PIMREG: variants seen among roughly 807,000 people sequenced by gnomAD.
PIMREG encodes protein PIMREG.
A neutral mutation model predicts 24.3 loss-of-function variants in PIMREG; 19 were observed. The ratio of observed to expected loss-of-function variants is 0.78; its 90% confidence interval spans 0.54 to 1.15. The LOEUF is 1.15. PIMREG is among the 50% of genes most tolerant of loss of function. The probability of loss-of-function intolerance (pLI) is 0.00; values close to 1 mark genes in which losing one functional copy is unlikely to be tolerated. For missense variants in PIMREG, 283 were observed against 306.8 expected, an observed-to-expected ratio of 0.92 and a Z score of 0.58; for synonymous variants, 112 against 124.1, an observed-to-expected ratio of 0.90 and a Z score of 0.65.
chr17:6,450,148 C>A, intron 5 of PIMREG, 76 bp downstream of exon 5: 1 of 1,492,132 alleles, frequency 6.7e-7, no homozygotes, highest in Non-Finnish European at 9.3e-7. Flanking sequence ...AAAGAAAAAG[C>A]CCACAGAGCT....
In PIMREG at chr17:6,447,453, C is replaced by T. The variant is rs9912374; in HGVS notation, c.295-10C>T. On this transcript the variant is annotated splice_polypyrimidine_tract_variant and intron_variant, in intron 2 of 5. Transcript: ENST00000572447. ...TTGTCTGTGCTAACCTTTCCATTTG[C>T]CTGTTCCAGAGAATCCAGGAGTCCT... 57,596 of 1,611,170 alleles carry T rather than the reference C, an allele frequency of 0.036. 2,672 individuals carry two copies. Among genetic ancestry groups the T allele is most frequent in the African/African-American group, 0.23 (17,107 of 74,866 alleles).
In PIMREG at chr17:6,447,632, C is replaced by T; in HGVS notation, c.464C>T (p.Pro155Leu). Residue 155 changes from proline (P) to leucine (L), a missense_variant, in exon 3 of 6, where the codon CCC becomes CTC. Pro to Leu is a moderately conservative substitution (Grantham distance 98). Coordinates refer to ENST00000572447, the MANE Select transcript of PIMREG (RefSeq NM_019013.3). Reference protein sequence around the residue: ...GAAPAHSAADPWEKEHHRLSV... With the variant: ...GAAPAHSAADLWEKEHHRLSV... ...GCCCCTGCCCACTCAGCCGCAGACC[C>T]CTGGGAGAAGGAGCATCACCGCCTC... 6.2e-7 allele frequency: 1 copy of T among 1,613,910 alleles called. No individual in the cohort carries two copies. Among genetic ancestry groups the T allele is most frequent in the Non-Finnish European group, 8.5e-7 (1 of 1,179,918 alleles).
intron 5 of PIMREG, 111 bp downstream of exon 5, chr17:6,450,183 A>G (rs890653745): frequency 2.4e-6 from 3 of 1,269,776 alleles, no homozygotes; most frequent in Non-Finnish European, 3.4e-6. Flanking sequence ...AGTAGGTAGT[A>G]CCTACTTGCC....
At position 6,447,704 on chromosome 17, in the gene PIMREG, G is replaced by A. The variant is rs527690413; in HGVS notation, c.536G>A (p.Arg179Gln). The A allele has an allele frequency of 1.7e-5, 28 of 1,613,854 alleles. No individual in the cohort carries two copies. The highest frequency in any genetic ancestry group is 1.6e-4 in the East Asian group (7 of 44,858). Residue 179 changes from arginine (R) to glutamine (Q), a missense_variant, in exon 3 of 6, where the codon CGG (arginine) becomes CAG (glutamine). By Grantham distance (43) the Arg-to-Gln change is conservative. Coordinates refer to ENST00000572447, the MANE Select transcript of PIMREG (RefSeq NM_019013.3). Reference protein sequence around the residue: ...SHAHPLRRSRREAAFRSPYSS... With the variant: ...SHAHPLRRSRQEAAFRSPYSS... ...GCCCACCCATTACGGCGATCAAGGC[G>A]GGAGGCTGCCTTCCGGAGCCCCTAC...
In PIMREG at chr17:6,445,295, A is replaced by C; in HGVS notation, c.185A>C (p.Asn62Thr). Residue 62 changes from asparagine to threonine, a missense_variant, in exon 2 of 6, where the codon AAC becomes ACC. Transcript: ENST00000572447. ...RRLPLRAVNLNLRAGPSWKRL... is the reference protein window; with the variant it reads ...RRLPLRAVNLTLRAGPSWKRL... ...CTGCCCCTGAGAGCCGTCAACCTCA[A>C]CCTCCGCGCAGGGCCCTCCTGGAAA... The C allele has an allele frequency of 6.2e-7, 1 of 1,612,866 alleles. No homozygotes were observed. The highest frequency in any genetic ancestry group is 8.5e-7 in the Non-Finnish European group (1 of 1,179,714).
chr17:6,449,199 C>G (rs1179146157), intron 3 of PIMREG, 113 bp from the exon 4 acceptor site: 1 of 807,212 alleles, frequency 1.2e-6, no homozygotes, highest in African/African-American at 1.8e-5. Flanking sequence ...TGGAGTGAAG[C>G]CCAGCCCGCC....
chr17:6,447,098 G>T (rs1025391639), intron 2 of PIMREG, among the ~76,000 whole-genome samples: 1 of 92,860 alleles, frequency 1.1e-5, no homozygotes, highest in Admixed American at 1.3e-4. Context: ...CTCACCCTTG[G>T]TTTTTTTTTT....
At chr17:6,447,954 T>G (rs1035667570) in intron 3 of PIMREG, among the ~76,000 whole-genome samples, 196 bp downstream of exon 3, 4 of 152,084 alleles carry the variant, frequency 2.6e-5, no homozygotes, top group African/African-American at 4.8e-5. Context: ...TGTCCTGCTT[T>G]AGCAGATATC....
In PIMREG at chr17:6,450,397, T is replaced by TC; in HGVS notation, c.*51dup. ...CTGTCTGACCGCCAAGGCTTCATACTCAAGGATGTCTATGCTTCCCCGTGA... is the reference window on the plus strand; with the variant it reads ...CTGTCTGACCGCCAAGGCTTCATACTCCAAGGATGTCTATGCTTCCCCGTGA... On this transcript the variant is annotated 3_prime_UTR_variant, in exon 6 of 6. Coordinates refer to ENST00000572447, the MANE Select transcript of PIMREG (RefSeq NM_019013.3). 6.4e-7 allele frequency: 1 copy of TC among 1,570,502 alleles called. No individual in the cohort carries two copies. The highest frequency in any genetic ancestry group is 8.6e-7 in the Non-Finnish European group (1 of 1,165,808).
Position 6,451,195 on chromosome 17 carries a change from A to G in PIMREG, c.*848A>G, listed in dbSNP as rs922256965. 8 of 152,264 alleles carry G rather than the reference A, an allele frequency of 5.3e-5. No homozygotes were observed. In the South Asian group the frequency reaches 6.2e-4, roughly 12 times the overall value. The allele number at this position is 152,264 out of a possible 1,614,324, so 9.4% of individuals were successfully genotyped here. On this transcript the variant is annotated 3_prime_UTR_variant, in exon 6 of 6. Coordinates refer to ENST00000572447, the MANE Select transcript of PIMREG (RefSeq NM_019013.3). ...TCTGCTCCGAGCCAGTCTGCCCCCA[A>G]TCCCACCCCAGGGAGAACATGTAGA...
chr17:6,446,568 A>G (rs1351007534), intron 2 of PIMREG, among the ~76,000 whole-genome samples: 1 of 152,134 alleles, frequency 6.6e-6, no homozygotes, highest in Admixed American at 6.5e-5. Flanking sequence ...CAAGGCAAAG[A>G]CAGTCTAGCT....
Position 6,445,302 on chromosome 17 carries a change from C to T in PIMREG, c.192C>T (p.Arg64=), listed in dbSNP as rs537779074. Residue 64 remains arginine (R), a synonymous_variant, in exon 2 of 6, where the codon CGC becomes CGT. Coordinates refer to ENST00000572447, the MANE Select transcript of PIMREG (RefSeq NM_019013.3). The part of the protein sequence containing the change: ...LPLRAVNLNL[R]AGPSWKRLET... ...TGAGAGCCGTCAACCTCAACCTCCG[C>T]GCAGGGCCCTCCTGGAAACGCCTGG... 2.5e-4 allele frequency: 404 copies of T among 1,614,044 alleles called. 1 individual carries two copies. The Middle Eastern group carries it at 4.0e-3, about 16-fold the overall frequency.
chr17:6,449,272 T>G (rs762053478), intron 3 of PIMREG, 40 bp from the exon 4 acceptor site: 1 of 1,565,416 alleles, frequency 6.4e-7, no homozygotes, highest in African/African-American at 1.4e-5. Flanking sequence ...CTGCCGGGAG[T>G]TTCCAACTAG....
chr17:6,448,597 G>T (rs570906420), intron 3 of PIMREG, among the ~76,000 whole-genome samples: 1 of 152,338 alleles, frequency 6.6e-6, no homozygotes, highest in African/African-American at 2.4e-5. Flanking sequence ...GAGGAGTAAA[G>T]GCTGGGGTCC....
chr17:6,450,516 C>T lies in PIMREG; in HGVS notation c.*169C>T, dbSNP rs1913790081. On this transcript the variant is annotated 3_prime_UTR_variant, in exon 6 of 6. Coordinates refer to ENST00000572447, the MANE Select transcript of PIMREG (RefSeq NM_019013.3). ...GGCCCAGAGCCCCCTGCTCCAGCCA[C>T]ATCTGGACCCATCAGTGACTGCCTG... The T allele has an allele frequency of 3.3e-6, 3 of 905,318 alleles. No homozygotes were observed. In the East Asian group the frequency reaches 8.0e-5, roughly 24 times the overall value. The allele number at this position is 905,318 out of a possible 1,614,324, so 56.1% of individuals were successfully genotyped here. A position where few individuals can be genotyped will look rare whatever the true frequency, so the allele number is the denominator to read the frequency against.
At chr17:6,449,222 G>A in intron 3 of PIMREG, 90 bp from the exon 4 acceptor site, 2 of 1,094,704 alleles carry the variant, frequency 1.8e-6, no homozygotes, top group Admixed American at 2.3e-5. Context: ...GGTCATCTGG[G>A]CCCACAGACC....
chr17:6,446,648 T>C (rs954191624), intron 2 of PIMREG, among the ~76,000 whole-genome samples: 3 of 152,168 alleles, frequency 2.0e-5, no homozygotes, highest in Admixed American at 2.0e-4. Context: ...CTTGGTCCTA[T>C]GGGCAACAAG....
At chr17:6,447,109 TG>T (rs35021195) in intron 2 of PIMREG, among the ~76,000 whole-genome samples, 16,638 of 66,088 alleles carry the variant, frequency 0.25, 930 homozygotes, top group Middle Eastern at 0.49. Context: ...TTTTTTTTTT[TG>T]TTGTTGTTTG....
At chr17:6,447,790 G>A (rs1244169285) in intron 3 of PIMREG, 32 bp downstream of exon 3, 1 of 1,557,126 alleles carries the variant, frequency 6.4e-7, no homozygotes, top group East Asian at 2.3e-5. Flanking sequence ...CCCGGGGCTG[G>A]TGGCCTTTTA....
Sources: gnomAD v4.1 joint callset for allele counts (sites outside exome capture counted in the v4.1 genomes callset) on GRCh38, gnomAD v4.1.1 for gene constraint, MANE v1.5 for transcripts, NCBI Gene and HGNC (gene_info 2026-07-23, HGNC 2026-07-21) for gene names.